Variants in NCOR2 observed in about 807,000 individuals in gnomAD.
The protein encoded by NCOR2 is nuclear receptor corepressor 2, also known as CTG repeat protein 26.
NCOR2 carries 81 observed loss-of-function variants against 262.9 expected under a neutral mutation model. The observed-to-expected ratio is 0.31, with a 90% confidence interval of 0.26 to 0.37. The LOEUF is 0.37. Ranked by LOEUF, NCOR2 falls within the 10% of genes least tolerant of loss-of-function variation. NCOR2 has a pLI of 1.00. For synonymous variants in NCOR2, 1,659 were observed against 1,559.3 expected (o/e 1.06, Z -1.51); for missense variants, 3,385 against 3,621.4 (o/e 0.93, Z 1.68).
intron 1 of NCOR2, among the ~76,000 whole-genome samples, chr12:124,544,507 T>C (rs1016348888): frequency 6.6e-6 from 1 of 152,182 alleles, no homozygotes; most frequent in Non-Finnish European, 1.5e-5. Flanking sequence ...GAAAGAGATT[T>C]GTCACGAGGG....
chr12:124,499,885 G>C (rs1273537504), upstream of NCOR2, among the ~76,000 whole-genome samples: 1 of 152,158 alleles, frequency 6.6e-6, no homozygotes, highest in African/African-American at 2.4e-5. Context: ...ATGTCCAAGA[G>C]AGGGGACACT....
chr12:124,510,263 CTTGT>C (rs2049318977), intron 1 of NCOR2, among the ~76,000 whole-genome samples: 1 of 152,236 alleles, frequency 6.6e-6, no homozygotes, highest in Admixed American at 6.5e-5. Context: ...GGGCCATGTG[CTTGT>C]TACAGCTCCC....
rs909075858 is a variant in NCOR2 at position 124,348,036 on chromosome 12, CGG to C, written c.3986-127_3986-126del. The stretch of plus-strand genomic sequence containing the variant: ...GATGATGGTGGAGTAGGACCCAGCA[CGG>C]GAAGGTCCCTGCGCTACCTCCAGAT... On this transcript the variant is annotated intron_variant, in intron 29 of 46. Transcript: ENST00000405201. 2.0e-6 allele frequency: 3 copies of C among 1,466,012 alleles called. No individual in the cohort carries two copies. In the African/African-American group the frequency reaches 4.2e-5, roughly 20 times the overall value. 90.8% of individuals were successfully genotyped at this position (1,466,012 alleles called of 1,614,324 possible). A position where few individuals can be genotyped will look rare whatever the true frequency, so the allele number is the denominator to read the frequency against.
exon 28 of NCOR2, chr12:124,350,616 C>A: frequency 6.2e-7 from 1 of 1,613,990 alleles, no homozygotes; most frequent in Non-Finnish European, 8.5e-7. Context: ...GCCCTTCTTG[C>A]CTTCGTAGAT....
chr12:124,537,229 A>T (rs2051143148), upstream of NCOR2, among the ~76,000 whole-genome samples: 1 of 152,268 alleles, frequency 6.6e-6, no homozygotes. Context: ...ATTGTTCGCT[A>T]ATCTGCACTG....
At chr12:124,507,937 G>A (rs866472256) in intron 1 of NCOR2, among the ~76,000 whole-genome samples, 3 of 152,260 alleles carry the variant, frequency 2.0e-5, no homozygotes, top group Non-Finnish European at 4.4e-5. Context: ...ATGCACGCAG[G>A]CCCTCAAGGA....
chr12:124,336,451 C>T (rs945704785), intron 38 of NCOR2: 7 of 367,666 alleles, frequency 1.9e-5, no homozygotes, highest in African/African-American at 8.6e-5. Context: ...AAATGATGAG[C>T]GCCCCCAAAC....
At chr12:124,340,410 G>A (rs537367417) in exon 36 of NCOR2, 30 of 1,613,016 alleles carry the variant, frequency 1.9e-5, no homozygotes, top group East Asian at 2.2e-5. Flanking sequence ...GGACGAGGAC[G>A]TGGTGGTTGG....
At chr12:124,348,714 T>C in intron 28 of NCOR2, 2 of 216,270 alleles carry the variant, frequency 9.2e-6, no homozygotes, top group Non-Finnish European at 1.8e-5. Flanking sequence ...ATCAGCAGTG[T>C]GTGGATGTGT....
exon 4 of NCOR2, chr12:124,473,042 C>G: frequency 6.2e-7 from 1 of 1,614,156 alleles, no homozygotes; most frequent in Non-Finnish European, 8.5e-7. Flanking sequence ...CCTCCTTGGA[C>G]AGCCGTGGCG....
intron 1 of NCOR2, among the ~76,000 whole-genome samples, chr12:124,526,805 A>T (rs2050495216): frequency 6.6e-6 from 1 of 152,082 alleles, no homozygotes. Context: ...CAAACCAAAC[A>T]GTAAGAAGCA....
chr12:124,325,500 C>A (rs745312035), exon 47 of NCOR2: 11 of 1,355,136 alleles, frequency 8.1e-6, no homozygotes, highest in Non-Finnish European at 1.9e-6. Flanking sequence ...CCGCTGCCCG[C>A]GGGGAGGCCC....
chr12:124,448,270 T>A (rs2045306775), intron 7 of NCOR2, among the ~76,000 whole-genome samples: 1 of 152,222 alleles, frequency 6.6e-6, no homozygotes, highest in Admixed American at 6.5e-5. Flanking sequence ...CCCCTCCATC[T>A]GTGGCTTCCC....
At chr12:124,447,309 A>G (rs1206430829) in intron 7 of NCOR2, among the ~76,000 whole-genome samples, 1 of 152,254 alleles carries the variant, frequency 6.6e-6, no homozygotes, top group African/African-American at 2.4e-5. Context: ...AATGCACTTC[A>G]ACGGACCACA....
intron 8 of NCOR2, among the ~76,000 whole-genome samples, chr12:124,436,665 C>T (rs2044352208): frequency 6.6e-6 from 1 of 152,250 alleles, no homozygotes; most frequent in Admixed American, 6.5e-5. Flanking sequence ...AGGACGCAGG[C>T]CCTCTCCTGG....
upstream of NCOR2, among the ~76,000 whole-genome samples, chr12:124,536,638 C>T (rs2051122715): frequency 6.6e-6 from 1 of 152,202 alleles, no homozygotes; most frequent in Non-Finnish European, 1.5e-5. Flanking sequence ...GGATGGCAAA[C>T]ATGAGACAGA....
chr12:124,335,513 G>C lies in NCOR2; in HGVS notation c.6235C>G (p.Leu2079Val), dbSNP rs1258251678. Residue 2079 changes from leucine (L) to valine (V), a missense_variant, in exon 39 of 47, where the codon CTG (leucine) becomes GTG (valine). Leu to Val is a conservative substitution (Grantham distance 32). Transcript: ENST00000405201. The stretch of plus-strand genomic sequence containing the variant: ...TGCTTGGGCCGCAGCTCCCCCTCCA[G>C]GTGGCTCTTGTCGAGCTCTTCCAGG... The C allele has an allele frequency of 8.7e-6, 14 of 1,608,290 alleles. No individual in the cohort carries two copies. Among genetic ancestry groups the C allele is most frequent in the Non-Finnish European group, 9.3e-6 (11 of 1,179,764 alleles).
chr12:124,515,810 A>AT (rs1322027395), intron 1 of NCOR2, among the ~76,000 whole-genome samples: 3 of 152,092 alleles, frequency 2.0e-5, no homozygotes, highest in Non-Finnish European at 4.4e-5. Flanking sequence ...GTGTGCGCGT[A>AT]TTTAGTTCTA....
At chr12:124,342,877 G>A (rs2036576876) in intron 33 of NCOR2, 128 bp downstream of exon 35, 7 of 958,878 alleles carry the variant, frequency 7.3e-6, no homozygotes, top group South Asian at 3.2e-5. Flanking sequence ...TTCCAATCCC[G>A]AGGCCTCAGT....
Sources: gnomAD v4.1 joint callset for allele counts (sites outside exome capture counted in the v4.1 genomes callset) on GRCh38, gnomAD v4.1.1 for gene constraint, MANE v1.5 for transcripts, NCBI Gene and HGNC (gene_info 2026-07-23, HGNC 2026-07-21) for gene names.